The following KLHL25 variants were observed in gnomAD, a reference collection of about 807,000 sequenced individuals.
KLHL25 encodes the protein kelch-like protein 25.
Under a neutral mutation model 30.0 loss-of-function variants are expected in KLHL25, and 41 were observed. The observed-to-expected ratio is 1.37, with a 90% CI of 1.07 to 1.78. The LOEUF (loss-of-function observed/expected upper bound fraction) is 1.78. Ranked by LOEUF, KLHL25 falls within the 40% of genes most tolerant of loss-of-function variation. The pLI, the probability that KLHL25 is intolerant of heterozygous loss-of-function variation, is 0.00. For synonymous variants in KLHL25, 399 were observed against 355.3 expected, an observed-to-expected ratio of 1.12 and a Z score of -1.38; for missense variants, 971 against 824.5, an observed-to-expected ratio of 1.18 and a Z score of -2.18.
Position 85,769,050 on chromosome 15 carries a change from G to A in KLHL25, c.761C>T (p.Ala254Val). ...DCLQEAVSSE[A>V]LLMADERTKL... ...GGTGCGCTCGTCTGCCATGAGGAGG[G>A]CCTCGCTGGAGACGGCCTCCTGCAG... Residue 254 changes from alanine (A) to valine (V), a missense_variant, in exon 2 of 3, where the codon GCC (alanine) becomes GTC (valine). Transcript: ENST00000337975. The A allele has an allele frequency of 1.2e-6, 2 of 1,607,126 alleles. No homozygotes were observed. The highest frequency in any genetic ancestry group is 1.7e-6 in the Non-Finnish European group (2 of 1,176,350).
chr15:85,794,426 T>TA (rs927107746), intron 1 of KLHL25, among the ~76,000 whole-genome samples: 10 of 152,168 alleles, frequency 6.6e-5, no homozygotes, highest in South Asian at 4.1e-4. Flanking sequence ...AGTAATTTTT[T>TA]AAAAAAAAGA....
At chr15:85,786,039 C>G (rs958023276) in intron 1 of KLHL25, among the ~76,000 whole-genome samples, 1 of 130,968 alleles carries the variant, frequency 7.6e-6, no homozygotes, top group Non-Finnish European at 1.5e-5. Flanking sequence ...TAATGAAACA[C>G]CCAACTCTCA....
At chr15:85,771,005 C>A in intron 1 of KLHL25, 1 of 201,298 alleles carries the variant, frequency 5.0e-6, no homozygotes, top group South Asian at 7.7e-5. Context: ...GGCCAACACC[C>A]TTGAGGCCAT....
At chr15:85,774,940 G>A (rs190803125) in intron 1 of KLHL25, among the ~76,000 whole-genome samples, 45 of 149,838 alleles carry the variant, frequency 3.0e-4, no homozygotes, top group African/African-American at 7.4e-4. Flanking sequence ...GCAATGGCGC[G>A]ATCTCAGCTC....
rs767511682 is a variant in KLHL25 at position 85,768,309 on chromosome 15, G to A, written c.1502C>T (p.Thr501Met). 29 of 1,613,876 alleles carry A rather than the reference G, an allele frequency of 1.8e-5. No homozygotes were observed. The highest frequency in any genetic ancestry group is 1.6e-4 in the Middle Eastern group (1 of 6,084). Reference protein sequence around the residue: ...GSQIFIMGGDTEFTAASAYRF... With the variant: ...GSQIFIMGGDMEFTAASAYRF... ...GTAGGCCGAGGCGGCTGTGAATTCC[G>A]TGTCACCTCCCATGATGAAGATCTG... Residue 501 changes from threonine to methionine, a missense_variant, in exon 2 of 3, where the codon ACG becomes ATG. By Grantham distance (81) the Thr-to-Met change is moderately conservative (BLOSUM62 -1). Coordinates refer to ENST00000337975, the MANE Select transcript of KLHL25 (RefSeq NM_022480.4).
At chr15:85,771,469 G>A (rs2089671923) in intron 1 of KLHL25, among the ~76,000 whole-genome samples, 1 of 152,234 alleles carries the variant, frequency 6.6e-6, no homozygotes, top group South Asian at 2.1e-4. Context: ...AATTGTAAAT[G>A]AGTGTCCGGC....
chr15:85,769,623 A>G lies in KLHL25; in HGVS notation c.188T>C (p.Val63Ala). The change falls in exon 2 of 3, where the codon GTG becomes GCG. Residue 63 changes from valine (V) to alanine (A), a missense_variant. By Grantham distance (64) the Val-to-Ala change is moderately conservative. Transcript: ENST00000337975. ...GDRAFPCHRA[V>A]LAASSRYFEA... ...AAAATAGCGGCTAGAGGCGGCCAGC[A>G]CGGCACGGTGACAGGGGAAGGCACG... 3 of 1,613,212 alleles carry G rather than the reference A, an allele frequency of 1.9e-6. No homozygotes were observed. Among genetic ancestry groups the G allele is most frequent in the East Asian group, 2.2e-5 (1 of 44,874 alleles).
intron 2 of KLHL25, chr15:85,761,700 TG>T (rs2089584211): frequency 6.6e-6 from 1 of 152,232 alleles, no homozygotes; most frequent in Admixed American, 6.5e-5. Flanking sequence ...TCCGAGGCCC[TG>T]AAAGGAAAAG....
At chr15:85,775,442 C>T (rs765860617) in intron 1 of KLHL25, among the ~76,000 whole-genome samples, 9 of 152,274 alleles carry the variant, frequency 5.9e-5, no homozygotes, top group Admixed American at 1.3e-4. Context: ...ACCCAAGACA[C>T]GGCCCTTCCT....
chr15:85,768,528 G>T lies in KLHL25; in HGVS notation c.1283C>A (p.Ala428Asp), dbSNP rs894714711. ...DPGANKWMMVAPLRDGVSNAA... is the reference protein window; with the variant it reads ...DPGANKWMMVDPLRDGVSNAA... ...ATTGCTGACGCCATCCCGCAAGGGGGCCACCATCATCCACTTGTTGGCCCC... is the reference window on the plus strand; with the variant it reads ...ATTGCTGACGCCATCCCGCAAGGGGTCCACCATCATCCACTTGTTGGCCCC... Residue 428 changes from alanine to aspartate, a missense_variant, in exon 2 of 3, where the codon GCC becomes GAC. By Grantham distance (126) the Ala-to-Asp change is moderately radical. Coordinates refer to ENST00000337975, the MANE Select transcript of KLHL25 (RefSeq NM_022480.4). The T allele has an allele frequency of 6.2e-7, 1 of 1,613,480 alleles. No homozygotes were observed. The highest frequency in any genetic ancestry group is 8.5e-7 in the Non-Finnish European group (1 of 1,179,904).
intron 1 of KLHL25, among the ~76,000 whole-genome samples, chr15:85,782,281 C>T (rs1050166831): frequency 6.6e-6 from 1 of 152,122 alleles, no homozygotes; most frequent in Non-Finnish European, 1.5e-5. Flanking sequence ...CATCATCCTT[C>T]CTGGGACCTT....
chr15:85,768,598 C>G lies in KLHL25; in HGVS notation c.1213G>C (p.Ala405Pro), dbSNP rs1462990205. The change falls in exon 2 of 3, where the codon GCC becomes CCC. Residue 405 changes from alanine to proline, a missense_variant. By Grantham distance (27) the Ala-to-Pro change is conservative. Coordinates refer to ENST00000337975, the MANE Select transcript of KLHL25 (RefSeq NM_022480.4). Reference protein sequence around the residue: ...GHTSLAGVFPASPSVSLKQVE... With the variant: ...GHTSLAGVFPPSPSVSLKQVE... Reference sequence around the variant, plus strand: ...TGTTTCAGGGAGACAGAAGGCGAGGCCGGGAAGACCCCTGCCAGGGATGTG... The same window carrying G: ...TGTTTCAGGGAGACAGAAGGCGAGGGCGGGAAGACCCCTGCCAGGGATGTG... 1 of 1,610,694 alleles carries G rather than the reference C, an allele frequency of 6.2e-7. No homozygotes were observed. The highest frequency in any genetic ancestry group is 1.7e-5 in the Admixed American group (1 of 59,960).
intron 1 of KLHL25, among the ~76,000 whole-genome samples, chr15:85,788,832 C>A (rs555866978): frequency 6.6e-6 from 1 of 152,312 alleles, no homozygotes; most frequent in East Asian, 1.9e-4. Context: ...AAAGCGTTCA[C>A]AGGTTAAGGG....
In KLHL25 at chr15:85,768,217, G is replaced by A. The variant is rs780923770; in HGVS notation, c.1594C>T (p.His532Tyr). ...GDMTAKRMSC[H>Y]ALASGNKLYV... is the part of the protein sequence containing the mutation. ...AGCTTGTTGCCGGAAGCCAGGGCATGGCAGGACATGCGCTTGGCAGTCATG... is the reference window on the plus strand; with the variant it reads ...AGCTTGTTGCCGGAAGCCAGGGCATAGCAGGACATGCGCTTGGCAGTCATG... Residue 532 changes from histidine (H) to tyrosine (Y), a missense_variant, in exon 2 of 3, where the codon CAT becomes TAT. His to Tyr is a moderately conservative substitution (Grantham distance 83, BLOSUM62 2). Coordinates refer to ENST00000337975, the MANE Select transcript of KLHL25 (RefSeq NM_022480.4). The A allele has an allele frequency of 1.2e-6, 2 of 1,614,080 alleles. No homozygotes were observed. Among genetic ancestry groups the A allele is most frequent in the African/African-American group, 2.7e-5 (2 of 74,938 alleles).
At chr15:85,791,239 T>C (rs1273028093) in intron 1 of KLHL25, among the ~76,000 whole-genome samples, 1 of 148,028 alleles carries the variant, frequency 6.8e-6, no homozygotes, top group African/African-American at 2.5e-5. Flanking sequence ...CTCATGCCTG[T>C]AATCCCAGCA....
At chr15:85,783,688 C>T (rs942828003) in intron 1 of KLHL25, among the ~76,000 whole-genome samples, 44 of 66,772 alleles carry the variant, frequency 6.6e-4, no homozygotes, top group African/African-American at 2.5e-3. Flanking sequence ...CAAGACTCCA[C>T]CTCAATAAAA....
intron 1 of KLHL25, among the ~76,000 whole-genome samples, chr15:85,785,088 T>C (rs1407745903): frequency 7.2e-6 from 1 of 139,718 alleles, no homozygotes; most frequent in East Asian, 2.0e-4. Flanking sequence ...GATGTATTTC[T>C]TTTTTCTTTT....
At chr15:85,784,711 C>A (rs746071815) in intron 1 of KLHL25, among the ~76,000 whole-genome samples, 1 of 152,056 alleles carries the variant, frequency 6.6e-6, no homozygotes, top group South Asian at 2.1e-4. Flanking sequence ...CTCAGTCCTA[C>A]GACCATAAGG....
At chr15:85,791,357 T>C (rs1443262637) in intron 1 of KLHL25, among the ~76,000 whole-genome samples, 1 of 151,624 alleles carries the variant, frequency 6.6e-6, no homozygotes. Context: ...TAGCCAGGCA[T>C]GGTGGTGTGT....
Sources: allele counts gnomAD v4.1 joint callset (sites outside exome capture counted in the v4.1 genomes callset), GRCh38; gene constraint gnomAD v4.1.1; transcripts MANE v1.5; gene names NCBI Gene and HGNC (gene_info 2026-07-23, HGNC 2026-07-21).